Variants in CEP41 observed in about 807,000 individuals in gnomAD.
CEP41 encodes the protein centrosomal protein of 41 kDa.
A neutral mutation model predicts 44.3 loss-of-function variants in CEP41; 32 were observed. The ratio of observed to expected loss-of-function variants is 0.72; its 90% CI spans 0.54 to 0.97. CEP41 has a LOEUF of 0.97. Among genes scored for constraint, CEP41 ranks in the 50% least tolerant of loss-of-function variants. The pLI is 0.00. For synonymous variants in CEP41, 151 were observed against 168.5 expected (o/e 0.90, Z 0.80); for missense variants, 432 against 455.2 (o/e 0.95, Z 0.46).
In CEP41 at chr7:130,397,849, C is replaced by G. The variant is rs1554415491; in HGVS notation, c.*1042G>C. The G allele has an allele frequency of 2.2e-6, 1 of 449,572 alleles. No homozygotes were observed. The highest frequency in any genetic ancestry group is 1.6e-5 in the South Asian group (1 of 64,326). 27.8% of individuals were successfully genotyped at this position (449,572 alleles called of 1,614,324 possible). On this transcript the variant is annotated 3_prime_UTR_variant, in exon 11 of 11. Transcript: ENST00000223208. Reference sequence around the variant, plus strand: ...AAACCAGAATCTATAATCACAACTTCCTAATCACAGTTCAGTCATGAGAAT... The same window carrying G: ...AAACCAGAATCTATAATCACAACTTGCTAATCACAGTTCAGTCATGAGAAT...
At chr7:130,433,820 T>A (rs1190904348) in intron 1 of CEP41, among the ~76,000 whole-genome samples, 3 of 152,212 alleles carry the variant, frequency 2.0e-5, no homozygotes, top group Admixed American at 6.5e-5. Flanking sequence ...ATCTTGTAGA[T>A]CTCTGTACCT....
chr7:130,406,618 T>C (rs1554418273), intron 5 of CEP41, among the ~76,000 whole-genome samples: 3 of 151,820 alleles, frequency 2.0e-5, no homozygotes, highest in Middle Eastern at 3.2e-3. Flanking sequence ...AAATAACAAG[T>C]CTAATTATTA....
At chr7:130,404,746 T>G (rs1796958778) in intron 5 of CEP41, 38 bp from the exon 6 acceptor site, 2 of 1,491,274 alleles carry the variant, frequency 1.3e-6, no homozygotes, top group Non-Finnish European at 1.9e-6. Flanking sequence ...AGATTGAACC[T>G]CAGGATTTGT....
intron 7 of CEP41, 50 bp from the exon 8 acceptor site, chr7:130,401,998 C>T (rs1796859208): frequency 2.3e-6 from 3 of 1,302,112 alleles, no homozygotes; most frequent in Non-Finnish European, 3.3e-6. Context: ...CTTAATACAA[C>T]TTGGCCTCAA....
intron 9 of CEP41, 45 bp from the exon 10 acceptor site, chr7:130,400,299 G>T: frequency 1.4e-6 from 2 of 1,401,036 alleles, no homozygotes; most frequent in Non-Finnish European, 2.0e-6. Context: ...AATATGGCAA[G>T]GCCAGGCCAA....
upstream of CEP41, chr7:130,441,291 G>A: frequency 2.2e-6 from 1 of 457,280 alleles, no homozygotes. Flanking sequence ...GCGCAAAGCC[G>A]GGGGCGGGGG....
intron 1 of CEP41, among the ~76,000 whole-genome samples, chr7:130,430,091 A>G (rs1010586402): frequency 8.5e-5 from 13 of 152,210 alleles, no homozygotes; most frequent in African/African-American, 2.4e-4. Context: ...GGTTTAAATG[A>G]CCCACAAAGC....
chr7:130,399,290 C>A, intron 10 of CEP41: 1 of 529,548 alleles, frequency 1.9e-6, no homozygotes, highest in East Asian at 3.4e-5. Context: ...ACATCCCCAA[C>A]AAACCTAGTC....
rs1554417262 is a variant in CEP41 at position 130,402,673 on chromosome 7, A to C, written c.549T>G (p.Ser183=). The C allele has an allele frequency of 6.2e-7, 1 of 1,614,052 alleles. No homozygotes were observed. The highest frequency in any genetic ancestry group is 1.3e-5 in the African/African-American group (1 of 74,930). Residue 183 remains serine, a synonymous_variant, in exon 7 of 11, where the codon TCT becomes TCG. Coordinates refer to ENST00000223208, the MANE Select transcript of CEP41 (RefSeq NM_018718.3). ...FLLLDVRDRD[S]YQQCHIVGAY... is the part of the protein sequence containing the mutation. ...CTCCAACAATGTGGCACTGCTGGTA[A>C]GAATCTCTATCACGCACATCTAGCA...
chr7:130,401,012 T>C (rs149333304), intron 8 of CEP41, 191 bp from the exon 9 acceptor site: 4 of 591,150 alleles, frequency 6.8e-6, no homozygotes, highest in African/African-American at 3.7e-5. Context: ...CTGGTATTCG[T>C]TTCTTTTGCA....
intron 1 of CEP41, among the ~76,000 whole-genome samples, chr7:130,436,785 T>A (rs1382384241): frequency 2.6e-5 from 4 of 152,038 alleles, no homozygotes; most frequent in Admixed American, 1.3e-4. Context: ...TGTAATCCCA[T>A]CACTTTGGAA....
rs200516165 is a variant in CEP41, at chr7:130,404,697, C to T, written c.289G>A (p.Ala97Thr). 27 of 1,609,626 alleles carry T rather than the reference C, an allele frequency of 1.7e-5. No homozygotes were observed. Among genetic ancestry groups the T allele is most frequent in the South Asian group, 3.3e-5 (3 of 90,992 alleles). The change falls in exon 6 of 11, where the codon GCA becomes ACA. Residue 97 changes from alanine (A) to threonine (T), a missense_variant. Transcript: ENST00000223208. ...EIQRLEDNDS[A>T]ASDPDAETTA... is the part of the protein sequence containing the mutation. ...GTTTCAGCATCAGGGTCTGAAGCTG[C>T]AGAATCATTGTCTAATATTTACAAA...
chr7:130,399,165 G>T, intron 10 of CEP41, 126 bp from the exon 11 acceptor site: 1 of 1,224,356 alleles, frequency 8.2e-7, no homozygotes, highest in Non-Finnish European at 1.2e-6. Flanking sequence ...GTCCTATGCA[G>T]TATCTACTTT....
intron 1 of CEP41, among the ~76,000 whole-genome samples, chr7:130,429,460 A>G (rs1797762972): frequency 2.0e-5 from 3 of 152,254 alleles, no homozygotes; most frequent in Non-Finnish European, 4.4e-5. Context: ...ATGAACAAAG[A>G]CATTATGAAA....
intron 1 of CEP41, among the ~76,000 whole-genome samples, chr7:130,432,588 CAAAAAAAA>C (rs56874452): frequency 5.7e-4 from 34 of 59,930 alleles, no homozygotes; most frequent in Middle Eastern, 0.011. Flanking sequence ...TTTGTTTCCA[CAAAAAAAA>C]AAAAAAAAAA....
chr7:130,420,200 C>T, intron 2 of CEP41: 1 of 310,044 alleles, frequency 3.2e-6, no homozygotes, highest in Non-Finnish European at 4.7e-6. Context: ...CATGGTGGCA[C>T]ATCCCTGTAG....
chr7:130,403,550 C>T (rs180742545), intron 6 of CEP41, among the ~76,000 whole-genome samples: 190 of 152,228 alleles, frequency 1.2e-3, no homozygotes, highest in African/African-American at 4.4e-3. Context: ...GTGTTATGAA[C>T]AAAATGGCAA....
At chr7:130,401,810 C>A in intron 8 of CEP41, 71 bp downstream of exon 8, 1 of 992,990 alleles carries the variant, frequency 1.0e-6, no homozygotes, top group Non-Finnish European at 1.6e-6. Flanking sequence ...TTACCAGGAG[C>A]GTGGTTCATG....
Position 130,394,292 on chromosome 7 carries a change from T to C in CEP41, c.*4599A>G, listed in dbSNP as rs753024852. 102 of 453,972 alleles carry C rather than the reference T, an allele frequency of 2.2e-4. No homozygotes were observed. Among genetic ancestry groups the C allele is most frequent in the Admixed American group, 4.7e-4 (20 of 42,544 alleles). The allele number at this position is 453,972 out of a possible 1,614,324, so 28.1% of individuals were successfully genotyped here. On this transcript the variant is annotated 3_prime_UTR_variant, in exon 11 of 11. Coordinates refer to ENST00000223208, the MANE Select transcript of CEP41 (RefSeq NM_018718.3). ...AGGCAAACCTGAGTCACTTAATTTC[T>C]ACCCGAACCTCAGTCTCCTCATCTG...
Sources: allele counts gnomAD v4.1 joint callset (sites outside exome capture counted in the v4.1 genomes callset), GRCh38; gene constraint gnomAD v4.1.1; transcripts MANE v1.5; gene names NCBI Gene and HGNC (gene_info 2026-07-23, HGNC 2026-07-21).